The following C2orf80 variants were observed in gnomAD, a reference collection of about 807,000 sequenced individuals.
The protein encoded by C2orf80 is chromosome 2 open reading frame 80.
In C2orf80, 28 loss-of-function variants were observed where a neutral mutation model predicts 30.2. The ratio of observed to expected loss-of-function variants is 0.93; its 90% confidence interval spans 0.69 to 1.27. The LOEUF is 1.27. C2orf80 is among the 50% of genes most tolerant of loss of function. C2orf80 has a pLI of 0.00. For missense variants in C2orf80, 220 were observed against 231.0 expected (o/e 0.95, Z 0.31); for synonymous variants, 80 against 76.4 (o/e 1.05, Z -0.24).
At chr2:208,180,902 T>C in intron 5 of C2orf80, 86 bp from the exon 6 acceptor site, 1 of 1,102,456 alleles carries the variant, frequency 9.1e-7, no homozygotes, top group Non-Finnish European at 1.3e-6. Context: ...AGCTCCAGTA[T>C]GTCTAAAACT....
intron 1 of C2orf80, among the ~76,000 whole-genome samples, chr2:208,188,319 G>T (rs903811074): frequency 3.3e-5 from 5 of 152,078 alleles, no homozygotes; most frequent in African/African-American, 1.2e-4. Flanking sequence ...TTTAGAAACG[G>T]TTTTTTGAAA....
At chr2:208,186,410 G>A (rs1469068711) in intron 2 of C2orf80, among the ~76,000 whole-genome samples, 13 of 152,084 alleles carry the variant, frequency 8.5e-5, no homozygotes, top group Admixed American at 8.5e-4. Context: ...CATTTGTTAA[G>A]TACAAGTCAA....
At chr2:208,170,570 T>C (rs1415044748) in intron 8 of C2orf80, among the ~76,000 whole-genome samples, 1 of 152,216 alleles carries the variant, frequency 6.6e-6, no homozygotes, top group Admixed American at 6.5e-5. Context: ...CATGCTTATT[T>C]GCATCAACAG....
chr2:208,182,690 C>T (rs1696595539), intron 4 of C2orf80, among the ~76,000 whole-genome samples: 1 of 152,186 alleles, frequency 6.6e-6, no homozygotes, highest in Non-Finnish European at 1.5e-5. Flanking sequence ...CCTGAGCCAC[C>T]GCGCCCGGCC....
At chr2:208,174,441 T>C (rs1473784233) in intron 6 of C2orf80, among the ~76,000 whole-genome samples, 1 of 152,030 alleles carries the variant, frequency 6.6e-6, no homozygotes, top group East Asian at 1.9e-4. Context: ...AGGGACCAGG[T>C]TGCTATCAGG....
At chr2:208,178,813 A>G (rs1696453598) in intron 6 of C2orf80, among the ~76,000 whole-genome samples, 1 of 152,048 alleles carries the variant, frequency 6.6e-6, no homozygotes, top group African/African-American at 2.4e-5. Flanking sequence ...GCTGGAGTGC[A>G]GTGGCATGAT....
intron 6 of C2orf80, among the ~76,000 whole-genome samples, chr2:208,178,591 G>A (rs1419029307): frequency 6.6e-6 from 1 of 152,100 alleles, no homozygotes; most frequent in Non-Finnish European, 1.5e-5. Flanking sequence ...AACAAGGTAA[G>A]CTCCAATATA....
At chr2:208,171,584 G>A (rs1239065793) in intron 7 of C2orf80, among the ~76,000 whole-genome samples, 1 of 152,090 alleles carries the variant, frequency 6.6e-6, no homozygotes, top group Admixed American at 6.5e-5. Flanking sequence ...GCCTCCCAAA[G>A]TGCTGGGATT....
chr2:208,184,951 C>T lies in C2orf80; in HGVS notation c.123G>A (p.Met41Ile), dbSNP rs1333100445. Residue 41 changes from methionine (M) to isoleucine (I), a missense_variant and splice_region_variant, in exon 3 of 9, where the codon ATG (methionine) becomes ATA (isoleucine). Met to Ile is a conservative substitution (Grantham distance 10). Transcript: ENST00000341287. ...GRRQLTFLDDMAHYDLAISVA... is the reference protein window; with the variant it reads ...GRRQLTFLDDIAHYDLAISVA... ...CTCGCATCAGCGTGCCTTTCTTTAC[C>T]ATATCATCTAGAAAGGTGAGTTGCC... 1 of 1,611,936 alleles carries T rather than the reference C, an allele frequency of 6.2e-7. No individual in the cohort carries two copies. Among genetic ancestry groups the T allele is most frequent in the Non-Finnish European group, 8.5e-7 (1 of 1,178,362 alleles).
chr2:208,184,899 T>C (rs1696668092), intron 3 of C2orf80, 52 bp downstream of exon 3: 1 of 1,441,954 alleles, frequency 6.9e-7, no homozygotes, highest in South Asian at 1.1e-5. Context: ...TTTCTGTCTC[T>C]TTAATACACA....
chr2:208,185,713 A>G (rs1045364699), intron 2 of C2orf80, among the ~76,000 whole-genome samples: 1 of 152,206 alleles, frequency 6.6e-6, no homozygotes, highest in East Asian at 1.9e-4. Flanking sequence ...TCAATTTTAC[A>G]TAAGGTGGAG....
intron 8 of C2orf80, among the ~76,000 whole-genome samples, chr2:208,169,536 A>G (rs908112673): frequency 2.0e-5 from 3 of 151,938 alleles, no homozygotes; most frequent in African/African-American, 7.3e-5. Context: ...AACATGGTGA[A>G]ACCCCACCTC....
intron 6 of C2orf80, among the ~76,000 whole-genome samples, chr2:208,178,353 CTG>C (rs1696433776): frequency 1.3e-5 from 2 of 152,076 alleles, no homozygotes; most frequent in Admixed American, 1.3e-4. Flanking sequence ...AAAACAGTGA[CTG>C]AAACAGAAGG....
At chr2:208,165,849 C>T in intron 8 of C2orf80, 34 bp from the exon 9 acceptor site, 1 of 1,478,730 alleles carries the variant, frequency 6.8e-7, no homozygotes, top group South Asian at 1.2e-5. Context: ...GTATCAAGCA[C>T]ATCAATTTAA....
rs1051033788 is a variant in C2orf80 at position 208,189,934 on chromosome 2, C to T, written c.-76+19G>A. ...TTAAGTGCCTGCTCTTAACAAATTC[C>T]CCTTTGAGAATCGCTCACCAACCGG... On this transcript the variant is annotated intron_variant, in intron 1 of 8. Transcript: ENST00000341287. 35 of 702,782 alleles carry T rather than the reference C, an allele frequency of 5.0e-5. No individual in the cohort carries two copies. The highest frequency in any genetic ancestry group is 9.1e-5 in the Non-Finnish European group (35 of 384,960). 43.5% of individuals were successfully genotyped at this position (702,782 alleles called of 1,614,324 possible). A position where few individuals can be genotyped will look rare whatever the true frequency, so the allele number is the denominator to read the frequency against.
Position 208,167,827 on chromosome 2 carries a change from T to C in C2orf80, c.574-2012A>G, listed in dbSNP as rs534726254. On this transcript the variant is annotated intron_variant, in intron 8 of 8. Coordinates refer to ENST00000341287, the MANE Select transcript of C2orf80 (RefSeq NM_001099334.3). The stretch of plus-strand genomic sequence containing the variant: ...CTGACCTCAAGTAATCTGCTCTCCT[T>C]GGCCTCCCAAAGTGCTGGAATTATA... 2.4e-4 allele frequency among the ~76,000 whole-genome samples: 37 copies of C among 151,536 alleles called. No individual in the cohort carries two copies. In the South Asian group the frequency reaches 3.8e-3, roughly 15 times the overall value.
chr2:208,186,862 A>C, intron 2 of C2orf80, 84 bp downstream of exon 2: 2 of 1,189,434 alleles, frequency 1.7e-6, no homozygotes, highest in East Asian at 2.3e-5. Flanking sequence ...ATTTTTACCC[A>C]CTGCCAATAC....
chr2:208,177,125 A>ATATATAAACATACATATATAT, intron 6 of C2orf80, among the ~76,000 whole-genome samples: 1 of 143,708 alleles, frequency 7.0e-6, no homozygotes, highest in East Asian at 2.1e-4. Flanking sequence ...GCTCGATTTT[A>ATATATAAACATACATATATAT]TATATATACA....
intron 6 of C2orf80, among the ~76,000 whole-genome samples, chr2:208,172,696 C>A (rs1019794247): frequency 6.6e-6 from 1 of 152,148 alleles, no homozygotes. Flanking sequence ...ATTGGTACAA[C>A]CATTTTGGAA....
Sources: allele counts gnomAD v4.1 joint callset (sites outside exome capture counted in the v4.1 genomes callset), GRCh38; gene constraint gnomAD v4.1.1; transcripts MANE v1.5; gene names NCBI Gene and HGNC (gene_info 2026-07-23, HGNC 2026-07-21).